LRFN1: variants seen among roughly 807,000 people sequenced by gnomAD.
LRFN1 encodes the protein leucine-rich repeat and fibronectin type III domain-containing protein 1.
In LRFN1, 20 loss-of-function variants were observed where a neutral mutation model predicts 31.8. The ratio of observed to expected loss-of-function variants is 0.63; its 90% CI spans 0.44 to 0.91. LRFN1 has a LOEUF of 0.91. LRFN1 is among the 40% of genes least tolerant of loss of function. LRFN1 has a pLI of 0.00. For synonymous variants in LRFN1, 514 were observed against 541.3 expected (o/e 0.95, Z 0.70); for missense variants, 912 against 1,129.8 (o/e 0.81, Z 2.76).
At position 39,315,357 on chromosome 19, in the gene LRFN1, G is replaced by A. The variant is rs1364252584; in HGVS notation, c.-21C>T. On this transcript the variant is annotated 5_prime_UTR_variant, in exon 4 of 5. Transcript: ENST00000248668. The surrounding 1 kb of genome is among the most constrained non-coding windows in gnomAD (Gnocchi z 4.7). ...GCCATGGTGCAGTGGGAAGGCAGGA[G>A]GGGTGGGAGGTGAGACCTGCCGGGG... The A allele has an allele frequency of 2.8e-6, 4 of 1,438,412 alleles. No homozygotes were observed. The highest frequency in any genetic ancestry group is 3.6e-6 in the Non-Finnish European group (4 of 1,099,596). 89.1% of individuals were successfully genotyped at this position (1,438,412 alleles called of 1,614,324 possible).
chr19:39,308,561 T>TA lies in LRFN1; in HGVS notation c.1407-20_1407-19insT. ...GATCATCCTGTAGGAGGGGGCGGGT[T>TA]CAGGGCGGGGTTAGTCCCCCCGAAC... On this transcript the variant is annotated intron_variant, in intron 4 of 4. Coordinates refer to ENST00000248668, the MANE Select transcript of LRFN1 (RefSeq NM_020862.2). This position sits in a 1 kb window ranked among gnomAD's most constrained non-coding sequence, Gnocchi z 6.2. 4 of 1,336,588 alleles carry TA rather than the reference T, an allele frequency of 3.0e-6. No homozygotes were observed. Among genetic ancestry groups the TA allele is most frequent in the Non-Finnish European group, 3.1e-6 (3 of 959,486 alleles). The allele number at this position is 1,336,588 out of a possible 1,614,324, so 82.8% of individuals were successfully genotyped here.
In LRFN1 at chr19:39,307,612, G is replaced by A. The variant is rs1166649608; in HGVS notation, c.*21C>T. On this transcript the variant is annotated 3_prime_UTR_variant, in exon 5 of 5. Coordinates refer to ENST00000248668, the MANE Select transcript of LRFN1 (RefSeq NM_020862.2). The surrounding 1 kb of genome is among the most constrained non-coding windows in gnomAD (Gnocchi z 6.7). The stretch of plus-strand genomic sequence containing the variant: ...GGCGTTTGGTCTGCGGCACCCAGGC[G>A]TCCCGGCGCCCGCCCGCCGCTCACA... The A allele has an allele frequency of 7.2e-7, 1 of 1,381,074 alleles. No individual in the cohort carries two copies. Among genetic ancestry groups the A allele is most frequent in the Non-Finnish European group, 9.3e-7 (1 of 1,075,004 alleles). 85.6% of individuals were successfully genotyped at this position (1,381,074 alleles called of 1,614,324 possible). A position where few individuals can be genotyped will look rare whatever the true frequency, so the allele number is the denominator to read the frequency against.
chr19:39,309,478 CAAAAAAAAAAAAAAAAAAA>C (rs71169583), intron 4 of LRFN1, among the ~76,000 whole-genome samples: 1 of 32,004 alleles, frequency 3.1e-5, no homozygotes. Context: ...ACAAACAAAC[CAAAAAAAAAAAAAAAAAAA>C]AAAAAAAAAA....
Position 39,308,036 on chromosome 19 carries a change from A to C in LRFN1, c.1913T>G (p.Val638Gly). 1 of 1,542,594 alleles carries C rather than the reference A, an allele frequency of 6.5e-7. No individual in the cohort carries two copies. ...AETASAEPEV[V>G]LGRSLGGSAT... ...CGAGCCGCCCAGAGAACGTCCAAGG[A>C]CCACCTCCGGCTCCGCGGATGCCGT... Residue 638 changes from valine to glycine, a missense_variant, in exon 5 of 5, where the codon GTC becomes GGC. Physicochemically the swap from Val to Gly is moderately radical, Grantham distance 109. Around this residue, in one of 2 missense-constraint regions of LRFN1, gnomAD observed 511 missense variants for 557.0 expected, o/e 0.92. Coordinates refer to ENST00000248668, the MANE Select transcript of LRFN1 (RefSeq NM_020862.2). This position sits in a 1 kb window ranked among gnomAD's most constrained non-coding sequence, Gnocchi z 6.2.
rs1163997710 is a variant in LRFN1 at position 39,314,182 on chromosome 19, C to A, written c.1155G>T (p.Val385=). The A allele has an allele frequency of 6.2e-7, 1 of 1,613,202 alleles. No homozygotes were observed. Among genetic ancestry groups the A allele is most frequent in the Admixed American group, 1.7e-5 (1 of 60,014 alleles). ...CCATCAGAGGCAGAGGTACCACGCA[C>A]ACCTCCACGGGCGCCGTCGCTTCCC... ...AAGEATAPVE[V]CVVPLPLMAP... Residue 385 remains valine, a synonymous_variant, in exon 4 of 5, where the codon GTG becomes GTT. Transcript: ENST00000248668.
At position 39,310,846 on chromosome 19, in the gene LRFN1, C is replaced by G. The variant is rs141682511; in HGVS notation, c.1407-2304G>C. Among the ~76,000 whole-genome samples the G allele has an allele frequency of 3.9e-5, 6 of 152,262 alleles. No homozygotes were observed. In the South Asian group the frequency reaches 1.2e-3, roughly 32 times the overall value. ...GTCATCCCACCTCCAGGAGGTTCTC[C>G]CACTACCAAGAGCCACCCTCCCACC... On this transcript the variant is annotated intron_variant, in intron 4 of 4. Transcript: ENST00000248668.
Position 39,315,368 on chromosome 19 carries a change from T to C in LRFN1, c.-32A>G, listed in dbSNP as rs2075168802. On this transcript the variant is annotated 5_prime_UTR_variant, in exon 4 of 5. Coordinates refer to ENST00000248668, the MANE Select transcript of LRFN1 (RefSeq NM_020862.2). This position sits in a 1 kb window ranked among gnomAD's most constrained non-coding sequence, Gnocchi z 4.7. ...GTGGGAAGGCAGGAGGGGTGGGAGG[T>C]GAGACCTGCCGGGGAAGGAGCCGGT... 4 of 1,427,442 alleles carry C rather than the reference T, an allele frequency of 2.8e-6. No homozygotes were observed. The highest frequency in any genetic ancestry group is 3.7e-6 in the Non-Finnish European group (4 of 1,093,200). The allele number at this position is 1,427,442 out of a possible 1,614,324, so 88.4% of individuals were successfully genotyped here. A position where few individuals can be genotyped will look rare whatever the true frequency, so the allele number is the denominator to read the frequency against.
Sources: gnomAD v4.1 joint callset for allele counts (sites outside exome capture counted in the v4.1 genomes callset) on GRCh38, gnomAD v4.1.1 for gene constraint, gnomAD v4.1.1 regional missense constraint, Gnocchi (gnomAD v3.1) non-coding constraint, MANE v1.5 for transcripts, NCBI Gene and HGNC (gene_info 2026-07-23, HGNC 2026-07-21) for gene names.